The following SDK1 variants were observed in gnomAD, a reference collection of about 807,000 sequenced individuals.
The protein encoded by SDK1 is sidekick cell adhesion molecule 1.
In SDK1, 157 loss-of-function variants were observed where a neutral mutation model predicts 245.5. The ratio of observed to expected loss-of-function variants is 0.64; its 90% CI spans 0.56 to 0.73. SDK1 has a LOEUF of 0.73. Ranked by LOEUF, SDK1 falls within the 30% of genes least tolerant of loss-of-function variation. SDK1 has a pLI of 0.00. For synonymous variants in SDK1, 1,647 were observed against 1,278.5 expected (o/e 1.29, Z -6.15); for missense variants, 3,583 against 3,002.3 (o/e 1.19, Z -4.52).
At chr7:3,839,097 A>G (rs1226486354) in intron 5 of SDK1, among the ~76,000 whole-genome samples, 1 of 152,058 alleles carries the variant, frequency 6.6e-6, no homozygotes, top group Non-Finnish European at 1.5e-5. Context: ...CTCCATTTCC[A>G]TGTGTACTCT....
chr7:3,773,951 A>C (rs1214930274), intron 4 of SDK1, among the ~76,000 whole-genome samples: 3 of 152,172 alleles, frequency 2.0e-5, no homozygotes, highest in Non-Finnish European at 4.4e-5. Flanking sequence ...ACGGTGGCTC[A>C]TGCCTGTAAT....
intron 1 of SDK1, among the ~76,000 whole-genome samples, chr7:3,603,993 T>G (rs1038409853): frequency 6.6e-6 from 1 of 152,226 alleles, no homozygotes; most frequent in African/African-American, 2.4e-5. Context: ...TTTATTGATT[T>G]GCGTATGTTG....
intron 1 of SDK1, among the ~76,000 whole-genome samples, chr7:3,587,929 T>C (rs1445358544): frequency 6.6e-6 from 1 of 152,248 alleles, no homozygotes; most frequent in Non-Finnish European, 1.5e-5. Flanking sequence ...TCAGTAAACA[T>C]GTGTTGGATG....
At chr7:3,671,917 A>G (rs1490364877) in intron 4 of SDK1, among the ~76,000 whole-genome samples, 1 of 152,118 alleles carries the variant, frequency 6.6e-6, no homozygotes, top group Admixed American at 6.5e-5. Flanking sequence ...TGTGTTTATA[A>G]TGTGGAGGAA....
intron 2 of SDK1, among the ~76,000 whole-genome samples, chr7:3,619,700 G>A (rs1355857690): frequency 6.6e-6 from 1 of 152,212 alleles, no homozygotes; most frequent in Non-Finnish European, 1.5e-5. Context: ...GAATCATGGA[G>A]AATGGGCATG....
intron 4 of SDK1, among the ~76,000 whole-genome samples, chr7:3,773,494 G>A (rs933260736): frequency 3.3e-5 from 5 of 152,074 alleles, no homozygotes; most frequent in Non-Finnish European, 7.4e-5. Context: ...CAAGACAGTT[G>A]TTTTAAAGTC....
intron 17 of SDK1, among the ~76,000 whole-genome samples, chr7:4,033,748 C>A (rs1562702808): frequency 6.6e-6 from 1 of 152,130 alleles, no homozygotes; most frequent in Non-Finnish European, 1.5e-5. Flanking sequence ...TGATGGTACA[C>A]AGACACACAG....
At chr7:3,514,902 T>C (rs1003818165) in intron 1 of SDK1, among the ~76,000 whole-genome samples, 1 of 152,222 alleles carries the variant, frequency 6.6e-6, no homozygotes, top group South Asian at 2.1e-4. Flanking sequence ...TCTTTCTCTC[T>C]TTCACTCATT....
intron 8 of SDK1, among the ~76,000 whole-genome samples, chr7:3,961,636 A>G (rs891828217): frequency 6.6e-6 from 1 of 152,170 alleles, no homozygotes; most frequent in Non-Finnish European, 1.5e-5. Context: ...ACCCTTAACA[A>G]GGTTACTTAA....
intron 5 of SDK1, among the ~76,000 whole-genome samples, chr7:3,947,530 T>TTGTGTGTGTGTGTGTGTGTGTGTG (rs745830597): frequency 7.1e-6 from 1 of 140,376 alleles, no homozygotes; most frequent in Non-Finnish European, 1.5e-5. Context: ...AAGTATTTGC[T>TTGTGTGTGTGTGTGTGTGTGTGTG]TGTGTGTGTG....
At chr7:3,397,365 G>A (rs2128572120) in intron 1 of SDK1, among the ~76,000 whole-genome samples, 1 of 151,972 alleles carries the variant, frequency 6.6e-6, no homozygotes, top group East Asian at 1.9e-4. Context: ...TTCTTGTAGA[G>A]CAATTCTGCT....
In SDK1 at chr7:3,697,830, A is replaced by G. The variant is rs147466414; in HGVS notation, c.713+55725A>G. On this transcript the variant is annotated intron_variant, in intron 4 of 44. Transcript: ENST00000404826. ...TGTGGAAGAGAAAGACTGTTAAAAGAGGCCTCTTAACTCGCACTTTCAGAA... is the reference window on the plus strand; with the variant it reads ...TGTGGAAGAGAAAGACTGTTAAAAGGGGCCTCTTAACTCGCACTTTCAGAA... Among the ~76,000 whole-genome samples, 31 of 152,324 alleles carry G rather than the reference A, an allele frequency of 2.0e-4. No homozygotes were observed. The East Asian group carries it at 5.8e-3, about 28-fold the overall frequency.
intron 22 of SDK1, among the ~76,000 whole-genome samples, chr7:4,095,722 G>A (rs915255741): frequency 3.5e-4 from 53 of 152,204 alleles, no homozygotes; most frequent in East Asian, 1.9e-3. Flanking sequence ...GCAGGCACTC[G>A]CCACCACACC....
intron 4 of SDK1, among the ~76,000 whole-genome samples, chr7:3,672,434 T>C (rs1783730825): frequency 6.6e-6 from 1 of 150,952 alleles, no homozygotes; most frequent in African/African-American, 2.4e-5. Context: ...CTGCAAACTC[T>C]TGAGGAAAAA....
rs1562871847 is a variant in SDK1 at position 4,139,549 on chromosome 7, GTATA to G, written c.4229-6171_4229-6168del. 1.8e-3 allele frequency among the ~76,000 whole-genome samples: 101 copies of G among 55,050 alleles called. 2 individuals carry two copies. Among genetic ancestry groups the G allele is most frequent in the African/African-American group, 5.1e-3 (90 of 17,620 alleles). 36.1% of individuals were successfully genotyped at this position (55,050 alleles called of 152,430 possible). A position where few individuals can be genotyped will look rare whatever the true frequency, so the allele number is the denominator to read the frequency against. The stretch of plus-strand genomic sequence containing the variant: ...TATGTGTGTGTGTATATATGTGTGT[GTATA>G]TGTATATATGTGTGTATATGTGTGT... On this transcript the variant is annotated intron_variant, in intron 28 of 44. Transcript: ENST00000404826.
chr7:3,780,724 AACC>A (rs759186358), intron 4 of SDK1, among the ~76,000 whole-genome samples: 2 of 149,596 alleles, frequency 1.3e-5, no homozygotes, highest in African/African-American at 4.8e-5. Context: ...AAGCCCACCC[AACC>A]ACCCTGTGCA....
intron 1 of SDK1, among the ~76,000 whole-genome samples, chr7:3,560,905 A>C (rs1779731552): frequency 6.6e-6 from 1 of 152,068 alleles, no homozygotes; most frequent in Non-Finnish European, 1.5e-5. Flanking sequence ...ACTTCCTTTG[A>C]GTCTTTTCTC....
At position 4,079,542 on chromosome 7, in the gene SDK1, T is replaced by C. The variant is rs1346453579; in HGVS notation, c.3282T>C (p.Tyr1094=). The C allele has an allele frequency of 6.2e-7, 1 of 1,614,096 alleles. No homozygotes were observed. Among genetic ancestry groups the C allele is most frequent in the African/African-American group, 1.3e-5 (1 of 74,936 alleles). The change falls in exon 22 of 45, where the codon TAT becomes TAC. Residue 1094 remains tyrosine, a synonymous_variant. Transcript: ENST00000404826. ...RSATLQFRPG[Y]DGKTSISRWI... ...CCACCCTTCAGTTCCGGCCAGGCTA[T>C]GACGGGAAAACGTCCATCTCCAGGT...
rs191390892 is a variant in SDK1 at position 4,216,180 on chromosome 7, G to A, written c.5540-3929G>A. Among the ~76,000 whole-genome samples the A allele has an allele frequency of 7.3e-4, 111 of 152,346 alleles. 1 individual carries two copies. Among genetic ancestry groups the A allele is most frequent in the East Asian group, 2.5e-3 (13 of 5,178 alleles). ...TCTCTGTTGAATGTGGGAGGATGCC[G>A]GGATAGCTTGAAAAGGACGACAACG... On this transcript the variant is annotated intron_variant, in intron 38 of 44. Coordinates refer to ENST00000404826, the MANE Select transcript of SDK1 (RefSeq NM_152744.4).
Sources: allele counts gnomAD v4.1 joint callset (sites outside exome capture counted in the v4.1 genomes callset), GRCh38; gene constraint gnomAD v4.1.1; transcripts MANE v1.5; gene names NCBI Gene and HGNC (gene_info 2026-07-23, HGNC 2026-07-21).